The following WWOX variants were observed in gnomAD, a reference collection of about 807,000 sequenced individuals.
The protein encoded by WWOX is WW domain-containing oxidoreductase.
A neutral mutation model predicts 46.2 loss-of-function variants in WWOX; 69 were observed. That is an observed-to-expected ratio of 1.49 (90% confidence interval 1.23 to 1.82). WWOX has a LOEUF of 1.82. Among genes scored for constraint, WWOX ranks in the 40% most tolerant of loss-of-function variants. WWOX has a pLI of 0.00. For missense variants in WWOX, 919 were observed against 542.6 expected, an observed-to-expected ratio of 1.69 and a Z score of -6.89; for synonymous variants, 359 against 202.6, an observed-to-expected ratio of 1.77 and a Z score of -6.56.
intron 8 of WWOX, among the ~76,000 whole-genome samples, chr16:78,994,695 T>C (rs2046952805): frequency 1.3e-5 from 2 of 150,954 alleles, no homozygotes; most frequent in African/African-American, 4.9e-5. Flanking sequence ...CAGTGGGGGG[T>C]GGAATCAAAA....
In WWOX at chr16:78,393,277, C is replaced by G. The variant is rs1341564407; in HGVS notation, c.605+6329C>G. Among the ~76,000 whole-genome samples, 5 of 152,278 alleles carry G rather than the reference C, an allele frequency of 3.3e-5. No homozygotes were observed. The South Asian group carries it at 1.0e-3, about 32-fold the overall frequency. Reference sequence around the variant, plus strand: ...TCCTTCCTAGCAGTAGCTGCTTAGTCTACTGAAAAGTGCATATTTTGAACA... The same window carrying G: ...TCCTTCCTAGCAGTAGCTGCTTAGTGTACTGAAAAGTGCATATTTTGAACA... On this transcript the variant is annotated intron_variant, in intron 6 of 8. Coordinates refer to ENST00000566780, the MANE Select transcript of WWOX (RefSeq NM_016373.4).
chr16:78,186,874 C>G (rs1258883683), intron 5 of WWOX, among the ~76,000 whole-genome samples: 1 of 152,144 alleles, frequency 6.6e-6, no homozygotes, highest in Non-Finnish European at 1.5e-5. Context: ...ACCCTTAACC[C>G]AGCTTCCCCA....
chr16:78,999,853 A>G (rs1282403175), intron 8 of WWOX, among the ~76,000 whole-genome samples: 3 of 152,158 alleles, frequency 2.0e-5, no homozygotes, highest in Admixed American at 1.3e-4. Flanking sequence ...GTACCCTTGA[A>G]ATACATAAAA....
intron 8 of WWOX, among the ~76,000 whole-genome samples, chr16:78,776,191 C>T (rs1166932855): frequency 1.3e-5 from 2 of 152,060 alleles, no homozygotes; most frequent in Non-Finnish European, 2.9e-5. Flanking sequence ...GGATGTTTTC[C>T]AGTCTTTCTC....
intron 8 of WWOX, among the ~76,000 whole-genome samples, chr16:79,164,610 G>C (rs1338993343): frequency 2.6e-5 from 4 of 152,132 alleles, no homozygotes; most frequent in African/African-American, 9.7e-5. Context: ...TGACACCAAA[G>C]GTGACTCCCC....
intron 8 of WWOX, among the ~76,000 whole-genome samples, chr16:78,572,658 T>C (rs2044746999): frequency 6.8e-6 from 1 of 146,002 alleles, no homozygotes; most frequent in South Asian, 2.2e-4. Context: ...TACAGTATGA[T>C]TCAATTTATA....
At position 78,590,176 on chromosome 16, in the gene WWOX, T is replaced by G. The variant is rs200675684; in HGVS notation, c.1056+157424T>G. Reference sequence around the variant, plus strand: ...TCTCTCTCTCTCTGTTTATTATAGATAGAAATAAAAAAATTATAAATAGAA... The same window carrying G: ...TCTCTCTCTCTCTGTTTATTATAGAGAGAAATAAAAAAATTATAAATAGAA... On this transcript the variant is annotated intron_variant, in intron 8 of 8. Transcript: ENST00000566780. Among the ~76,000 whole-genome samples the G allele has an allele frequency of 7.2e-4, 72 of 99,474 alleles. 2 individuals carry two copies. In the East Asian group the frequency reaches 0.016, roughly 23 times the overall value. 65.3% of individuals were successfully genotyped at this position (99,474 alleles called of 152,430 possible).
chr16:78,677,635 C>T (rs536024253), intron 8 of WWOX, among the ~76,000 whole-genome samples: 20 of 152,184 alleles, frequency 1.3e-4, no homozygotes, highest in Non-Finnish European at 2.6e-4. Flanking sequence ...TTTATGATAC[C>T]TGCCTGGGGC....
At chr16:78,871,164 G>C (rs962039598) in intron 8 of WWOX, among the ~76,000 whole-genome samples, 1 of 146,828 alleles carries the variant, frequency 6.8e-6, no homozygotes, top group South Asian at 2.1e-4. Flanking sequence ...CCCAACTTTC[G>C]TGAAGGTTGT....
intron 8 of WWOX, among the ~76,000 whole-genome samples, chr16:79,011,010 C>T (rs990562989): frequency 2.6e-5 from 4 of 151,850 alleles, no homozygotes; most frequent in Admixed American, 2.0e-4. Flanking sequence ...ATCTGGCTTA[C>T]GATGATTTCT....
intron 8 of WWOX, among the ~76,000 whole-genome samples, chr16:79,021,492 G>T (rs2047532093): frequency 6.6e-6 from 1 of 152,130 alleles, no homozygotes; most frequent in African/African-American, 2.4e-5. Context: ...TAACTCATGG[G>T]ATCTAGTAAC....
intron 8 of WWOX, among the ~76,000 whole-genome samples, chr16:78,494,508 T>C (rs556639765): frequency 6.6e-6 from 1 of 152,084 alleles, no homozygotes; most frequent in African/African-American, 2.4e-5. Flanking sequence ...CAAAAGGAAA[T>C]AAAAACGGCA....
intron 8 of WWOX, among the ~76,000 whole-genome samples, chr16:78,917,453 C>T (rs565472171): frequency 6.6e-6 from 1 of 151,886 alleles, no homozygotes; most frequent in African/African-American, 2.4e-5. Context: ...CATCTAGTCT[C>T]GGTAGCTACC....
At chr16:78,911,328 A>G (rs981946423) in intron 8 of WWOX, among the ~76,000 whole-genome samples, 1 of 152,034 alleles carries the variant, frequency 6.6e-6, no homozygotes. Context: ...GACCTTTACC[A>G]TAAATCACAT....
intron 5 of WWOX, among the ~76,000 whole-genome samples, chr16:78,354,105 A>G (rs2081236845): frequency 6.6e-6 from 1 of 152,188 alleles, no homozygotes; most frequent in Admixed American, 6.5e-5. Flanking sequence ...GGCTGTTTGC[A>G]GTAGTTCCAG....
intron 8 of WWOX, among the ~76,000 whole-genome samples, chr16:78,645,491 G>T (rs1012992337): frequency 6.6e-6 from 1 of 152,162 alleles, no homozygotes; most frequent in African/African-American, 2.4e-5. Flanking sequence ...TGTTTCTGCA[G>T]GATGTCCAAG....
At chr16:78,810,920 C>T (rs749239147) in intron 8 of WWOX, among the ~76,000 whole-genome samples, 4 of 152,034 alleles carry the variant, frequency 2.6e-5, no homozygotes, top group Admixed American at 2.0e-4. Context: ...TGCATTCAGA[C>T]ATTTAGAAAA....
chr16:78,104,729 A>T (rs989840090), intron 1 of WWOX, among the ~76,000 whole-genome samples: 9 of 152,210 alleles, frequency 5.9e-5, no homozygotes, highest in Non-Finnish European at 1.2e-4. Flanking sequence ...TTAAAAAGTC[A>T]TTTAAGGTTA....
At chr16:79,185,170 A>T (rs1448235069) in intron 8 of WWOX, among the ~76,000 whole-genome samples, 1 of 152,220 alleles carries the variant, frequency 6.6e-6, no homozygotes, top group African/African-American at 2.4e-5. Context: ...ATATAGGGAA[A>T]AGTTGTTTTT....
Sources: gnomAD v4.1 joint callset for allele counts (sites outside exome capture counted in the v4.1 genomes callset) on GRCh38, gnomAD v4.1.1 for gene constraint, MANE v1.5 for transcripts, NCBI Gene and HGNC (gene_info 2026-07-23, HGNC 2026-07-21) for gene names.